The following SRPK1 variants were observed in gnomAD, a reference collection of about 807,000 sequenced individuals.
SRPK1 encodes SRSF protein kinase 1.
A neutral mutation model predicts 89.5 loss-of-function variants in SRPK1; 52 were observed. The observed-to-expected ratio is 0.58, with a 90% confidence interval of 0.46 to 0.73. SRPK1 has a LOEUF of 0.73. SRPK1 is among the 30% of genes least tolerant of loss of function. The pLI, the probability that SRPK1 is intolerant of heterozygous loss-of-function variation, is 0.00. For synonymous variants in SRPK1, 255 were observed against 270.2 expected (o/e 0.94, Z 0.55); for missense variants, 603 against 780.6 (o/e 0.77, Z 2.71).
chr6:35,841,208 C>G (rs574581092), intron 14 of SRPK1, among the ~76,000 whole-genome samples: 2 of 152,272 alleles, frequency 1.3e-5, no homozygotes, highest in South Asian at 4.1e-4. Context: ...TATCCTCTAA[C>G]ATGGGGCTTA....
At chr6:35,848,405 A>G (rs909251987) in intron 13 of SRPK1, among the ~76,000 whole-genome samples, 1 of 152,262 alleles carries the variant, frequency 6.6e-6, no homozygotes, top group South Asian at 2.1e-4. Flanking sequence ...AAAAAATACA[A>G]AAATAGTTGG....
intron 12 of SRPK1, among the ~76,000 whole-genome samples, chr6:35,864,636 G>C (rs1027388082): frequency 6.6e-6 from 1 of 152,178 alleles, no homozygotes; most frequent in African/African-American, 2.4e-5. Flanking sequence ...GAACAGTTTG[G>C]AGGTCCCTCA....
intron 1 of SRPK1, 137 bp downstream of exon 1, chr6:35,920,907 G>C (rs1771223514): frequency 1.1e-6 from 1 of 926,582 alleles, no homozygotes; most frequent in African/African-American, 1.8e-5. Context: ...AGGGGGTGTG[G>C]GGCGGCGCCA....
rs1770107839 is a variant in SRPK1, at chr6:35,874,301, G to A, written c.517C>T (p.Leu173Phe). ...TAATTGGATTTGATGATCCACTTGA[G>A]CAGATGATGCCCCAAAACTTCAAAT... ...MVFEVLGHHL[L>F]KWIIKSNYQG... Residue 173 changes from leucine to phenylalanine, a missense_variant, in exon 7 of 16, where the codon CTC becomes TTC. By Grantham distance (22) the Leu-to-Phe change is conservative. Transcript: ENST00000373825. 6.2e-7 allele frequency: 1 copy of A among 1,613,276 alleles called. No homozygotes were observed. The highest frequency in any genetic ancestry group is 8.5e-7 in the Non-Finnish European group (1 of 1,179,684).
chr6:35,909,120 G>A (rs1474094793), intron 2 of SRPK1, among the ~76,000 whole-genome samples: 3 of 152,232 alleles, frequency 2.0e-5, no homozygotes, highest in Non-Finnish European at 4.4e-5. Flanking sequence ...CTGTTCTCCA[G>A]ACCCCAGAAG....
chr6:35,857,900 G>GAC (rs1012072896), intron 12 of SRPK1, among the ~76,000 whole-genome samples: 4 of 152,140 alleles, frequency 2.6e-5, no homozygotes, highest in Admixed American at 6.5e-5. Context: ...AGTACCCTTT[G>GAC]AAGCCCTGGT....
chr6:35,848,896 G>GA (rs1769479156), intron 13 of SRPK1, among the ~76,000 whole-genome samples: 1 of 152,160 alleles, frequency 6.6e-6, no homozygotes, highest in Non-Finnish European at 1.5e-5. Flanking sequence ...ACTACCAGAA[G>GA]AAACAGGGGG....
At chr6:35,889,325 A>G (rs1277273517) in intron 3 of SRPK1, among the ~76,000 whole-genome samples, 10 of 151,884 alleles carry the variant, frequency 6.6e-5, no homozygotes, top group Non-Finnish European at 1.0e-4. Context: ...AAAAGCAAGT[A>G]AGCAAACGGG....
At chr6:35,870,182 A>C (rs920728724) in intron 10 of SRPK1, 99 bp downstream of exon 10, 11 of 1,024,168 alleles carry the variant, frequency 1.1e-5, no homozygotes, top group Non-Finnish European at 9.9e-6. Flanking sequence ...AGATACCCCC[A>C]GAGATGTGTT....
At chr6:35,885,944 CTAAACA>C (rs1356188573) in intron 6 of SRPK1, among the ~76,000 whole-genome samples, 4 of 152,186 alleles carry the variant, frequency 2.6e-5, no homozygotes, top group African/African-American at 7.2e-5. Flanking sequence ...CTTTTAGACT[CTAAACA>C]TAAACTACAT....
In SRPK1 at chr6:35,874,386, G is replaced by A. The variant is rs376247138; in HGVS notation, c.479-47C>T. ...AAAAAACGGCACAAAAGAAGAACAC[G>A]GCAAGACAAGCTGTGAATTCCACCC... On this transcript the variant is annotated intron_variant, in intron 6 of 15. Coordinates refer to ENST00000373825, the MANE Select transcript of SRPK1 (RefSeq NM_003137.5). 2.5e-5 allele frequency: 33 copies of A among 1,306,534 alleles called. 1 individual carries two copies. In the East Asian group the frequency reaches 4.2e-4, roughly 17 times the overall value. The allele number at this position is 1,306,534 out of a possible 1,614,324, so 80.9% of individuals were successfully genotyped here.
chr6:35,882,850 C>A (rs1357393241), intron 6 of SRPK1, among the ~76,000 whole-genome samples: 1 of 152,064 alleles, frequency 6.6e-6, no homozygotes, highest in Admixed American at 6.5e-5. Flanking sequence ...GCTCTGTCAC[C>A]CAGGCTGGAG....
intron 2 of SRPK1, among the ~76,000 whole-genome samples, chr6:35,911,781 A>G (rs1295231228): frequency 6.6e-6 from 1 of 151,978 alleles, no homozygotes; most frequent in Non-Finnish European, 1.5e-5. Flanking sequence ...TGCTGTGAAC[A>G]TTGTTGAAAT....
At chr6:35,861,049 A>G (rs964026845) in intron 12 of SRPK1, among the ~76,000 whole-genome samples, 2 of 152,168 alleles carry the variant, frequency 1.3e-5, no homozygotes, top group Non-Finnish European at 2.9e-5. Context: ...ATATGACTTG[A>G]CTTACATTTA....
chr6:35,853,713 A>G (rs1460988033), intron 13 of SRPK1, among the ~76,000 whole-genome samples: 10 of 152,202 alleles, frequency 6.6e-5, no homozygotes. Context: ...GAAAAGGAAC[A>G]TATCCCAGAA....
chr6:35,870,362 T>C lies in SRPK1; in HGVS notation c.910A>G (p.Asn304Asp), dbSNP rs776046266. The C allele has an allele frequency of 2.5e-6, 4 of 1,610,704 alleles. No homozygotes were observed. The highest frequency in any genetic ancestry group is 4.5e-5 in the East Asian group (2 of 44,826). ...GGACTCTCTGATTCTTCTTGCTTGTTTGGTCTTTTTTGCCCAGGGCCCGAC... is the reference window on the plus strand; with the variant it reads ...GGACTCTCTGATTCTTCTTGCTTGTCTGGTCTTTTTTGCCCAGGGCCCGAC... The part of the protein sequence containing the change: ...KESGPGQKRP[N>D]KQEESESPVE... Residue 304 changes from asparagine (N) to aspartate (D), a missense_variant, in exon 10 of 16, where the codon AAC (asparagine) becomes GAC (aspartate). Transcript: ENST00000373825.
At chr6:35,857,011 T>TC (rs1047953333) in intron 13 of SRPK1, 2 of 406,198 alleles carry the variant, frequency 4.9e-6, no homozygotes, top group Non-Finnish European at 4.4e-6. Flanking sequence ...TTTCATTATT[T>TC]CCCCCCACTA....
rs2151075691 is a variant in SRPK1 at position 35,833,491 on chromosome 6, G to C, written c.*1813C>G. 1 of 152,688 alleles carries C rather than the reference G, an allele frequency of 6.5e-6. No homozygotes were observed. Among genetic ancestry groups the C allele is most frequent in the East Asian group, 1.9e-4 (1 of 5,188 alleles). The allele number at this position is 152,688 out of a possible 1,614,324, so 9.5% of individuals were successfully genotyped here. On this transcript the variant is annotated 3_prime_UTR_variant, in exon 16 of 16. Transcript: ENST00000373825. Reference sequence around the variant, plus strand: ...GTCTATTGCTTTAGATGTAAAAACAGCTGAAAACCCAAAGTGGATTAGAAT... The same window carrying C: ...GTCTATTGCTTTAGATGTAAAAACACCTGAAAACCCAAAGTGGATTAGAAT...
chr6:35,862,501 T>C (rs1769801355), intron 12 of SRPK1, among the ~76,000 whole-genome samples: 1 of 151,974 alleles, frequency 6.6e-6, no homozygotes, highest in African/African-American at 2.4e-5. Flanking sequence ...ACAACATATA[T>C]ACAACTTCAG....
Sources: allele counts gnomAD v4.1 joint callset (sites outside exome capture counted in the v4.1 genomes callset), GRCh38; gene constraint gnomAD v4.1.1; transcripts MANE v1.5; gene names NCBI Gene and HGNC (gene_info 2026-07-23, HGNC 2026-07-21).